SOX5: variants seen among roughly 807,000 people sequenced by gnomAD.
SOX5 encodes the protein SRY-box transcription factor 5, also known as transcription factor SOX-5.
A neutral mutation model predicts 92.0 loss-of-function variants in SOX5; 9 were observed. The observed-to-expected ratio is 0.10, with a 90% CI of 0.06 to 0.17. The LOEUF (loss-of-function observed/expected upper bound fraction) is 0.17. Among genes scored for constraint, SOX5 ranks in the 10% least tolerant of loss-of-function variants. The pLI, the probability that SOX5 is intolerant of heterozygous loss-of-function variation, is 1.00. For synonymous variants in SOX5, 344 were observed against 336.3 expected, an observed-to-expected ratio of 1.02 and a Z score of -0.25; for missense variants, 642 against 944.5, an observed-to-expected ratio of 0.68 and a Z score of 4.20.
At chr12:24,531,351 T>C (rs889058101) in intron 1 of SOX5, among the ~76,000 whole-genome samples, 1 of 152,138 alleles carries the variant, frequency 6.6e-6, no homozygotes, top group African/African-American at 2.4e-5. Context: ...AATTAATGGT[T>C]TTGAAAGACC....
intron 6 of SOX5, among the ~76,000 whole-genome samples, chr12:23,669,646 G>GGA (rs1555246526): frequency 3.1e-4 from 13 of 41,642 alleles, no homozygotes; most frequent in South Asian, 5.9e-4. Flanking sequence ...TGGATGAGGA[G>GGA]AAAAAAAAAA....
intron 3 of SOX5, among the ~76,000 whole-genome samples, chr12:24,251,142 A>C (rs1939956579): frequency 6.6e-6 from 1 of 152,224 alleles, no homozygotes; most frequent in Non-Finnish European, 1.5e-5. Flanking sequence ...TACTTCTACT[A>C]AGATTTATAT....
intron 4 of SOX5, among the ~76,000 whole-genome samples, chr12:23,963,739 A>T (rs1273004519): frequency 1.4e-5 from 2 of 144,572 alleles, no homozygotes; most frequent in Non-Finnish European, 3.0e-5. Flanking sequence ...TCTAGTATAC[A>T]TGCAGGCAGG....
At chr12:23,902,852 C>A (rs892294985) in intron 1 of SOX5, among the ~76,000 whole-genome samples, 2 of 152,078 alleles carry the variant, frequency 1.3e-5, no homozygotes, top group East Asian at 1.9e-4. Flanking sequence ...AAATGAGACA[C>A]AATTAATAAT....
At position 24,245,235 on chromosome 12, in the gene SOX5, T is replaced by TTGCG. The variant is rs1302286255; in HGVS notation, c.-76-31819_-76-31818insCGCA. ...GAGCATCATTTGTGTTTGGAGAGAT[T>TTGCG]TGTGTGTGTGTGTGTGTGTGTGTGT... is the stretch of plus-strand genomic sequence containing the variant. On this transcript the variant is annotated intron_variant, in intron 3 of 4. Transcript: ENST00000446891. Among the ~76,000 whole-genome samples the TTGCG allele has an allele frequency of 6.3e-3, 909 of 144,364 alleles. 2 individuals are homozygous for TTGCG. The highest frequency in any genetic ancestry group is 0.01 in the Non-Finnish European group (689 of 66,252). 94.7% of individuals were successfully genotyped at this position (144,364 alleles called of 152,430 possible).
chr12:23,961,108 C>T (rs186141128), intron 4 of SOX5, among the ~76,000 whole-genome samples: 2 of 151,972 alleles, frequency 1.3e-5, no homozygotes, highest in Non-Finnish European at 2.9e-5. Flanking sequence ...TTTTCAGATG[C>T]CTGAAAGTTA....
At chr12:24,135,498 G>A (rs751237196) in intron 4 of SOX5, among the ~76,000 whole-genome samples, 1 of 152,166 alleles carries the variant, frequency 6.6e-6, no homozygotes, top group Non-Finnish European at 1.5e-5. Flanking sequence ...TAATTACTGA[G>A]TATCTGCTTT....
chr12:23,825,047 T>C (rs2096202746), intron 3 of SOX5, among the ~76,000 whole-genome samples: 2 of 152,126 alleles, frequency 1.3e-5, no homozygotes, highest in Non-Finnish European at 2.9e-5. Context: ...TGGGATCTGC[T>C]GGGCTGGACC....
At chr12:24,287,895 A>G (rs1946100271) in intron 2 of SOX5, among the ~76,000 whole-genome samples, 1 of 152,140 alleles carries the variant, frequency 6.6e-6, no homozygotes, top group Admixed American at 6.5e-5. Context: ...ACCCAAGTCC[A>G]GTCCTCTGTA....
intron 1 of SOX5, among the ~76,000 whole-genome samples, chr12:24,433,880 G>T (rs138557622): frequency 1.9e-3 from 286 of 152,286 alleles, no homozygotes; most frequent in African/African-American, 5.7e-3. Flanking sequence ...CCATGAGAAT[G>T]AATGGGATTG....
chr12:24,037,628 T>C (rs548251573), intron 4 of SOX5, among the ~76,000 whole-genome samples: 11 of 152,206 alleles, frequency 7.2e-5, no homozygotes, highest in Non-Finnish European at 1.0e-4. Flanking sequence ...TCAAGTAATA[T>C]TTAGCTTAAA....
chr12:23,850,158 T>C (rs1172841453), intron 2 of SOX5, among the ~76,000 whole-genome samples: 2 of 152,084 alleles, frequency 1.3e-5, no homozygotes, highest in African/African-American at 4.8e-5. Context: ...TGGCTGGGCA[T>C]TGTGGCTCAC....
In SOX5 at chr12:23,907,320, A is replaced by G. The variant is rs556243305; in HGVS notation, c.39-11296T>C. ...TCTAATGATATGTTAATGAACATCA[A>G]TATTCTTTCTTTTTTTTATGGAACC... On this transcript the variant is annotated intron_variant, in intron 1 of 14. Transcript: ENST00000451604. Among the ~76,000 whole-genome samples the G allele has an allele frequency of 4.3e-4, 65 of 152,324 alleles. No homozygotes were observed. The South Asian group carries it at 5.6e-3, about 13-fold the overall frequency.
intron 1 of SOX5, among the ~76,000 whole-genome samples, chr12:24,541,151 A>G (rs1159060887): frequency 6.6e-6 from 1 of 152,200 alleles, no homozygotes; most frequent in African/African-American, 2.4e-5. Flanking sequence ...AAATTTAAAC[A>G]AGGTGCGAGC....
chr12:24,300,027 C>A (rs1254645210), intron 2 of SOX5, among the ~76,000 whole-genome samples: 1 of 152,066 alleles, frequency 6.6e-6, no homozygotes, highest in Non-Finnish European at 1.5e-5. Flanking sequence ...TTAGGAACTT[C>A]AACAAGAAAA....
intron 4 of SOX5, among the ~76,000 whole-genome samples, chr12:24,186,348 G>A (rs1374144834): frequency 6.6e-6 from 1 of 152,082 alleles, no homozygotes; most frequent in Non-Finnish European, 1.5e-5. Context: ...TGAAGAAAAT[G>A]GAAAGTCATC....
chr12:23,563,843 G>T (rs375131368), intron 10 of SOX5, among the ~76,000 whole-genome samples: 1 of 152,126 alleles, frequency 6.6e-6, no homozygotes, highest in African/African-American at 2.4e-5. Context: ...CCTAGTATTA[G>T]AAAGGCCACA....
intron 1 of SOX5, among the ~76,000 whole-genome samples, chr12:24,429,825 A>G (rs1430653043): frequency 6.6e-6 from 1 of 152,216 alleles, no homozygotes; most frequent in African/African-American, 2.4e-5. Context: ...AAATTAAAGG[A>G]TTATAAGATA....
At chr12:24,216,208 G>A (rs1959162860) in intron 3 of SOX5, among the ~76,000 whole-genome samples, 1 of 152,220 alleles carries the variant, frequency 6.6e-6, no homozygotes. Flanking sequence ...TCCCGGCCGG[G>A]CGCGGTGGCT....
Sources: allele counts gnomAD v4.1 joint callset (sites outside exome capture counted in the v4.1 genomes callset), GRCh38; gene constraint gnomAD v4.1.1; transcripts MANE v1.5; gene names NCBI Gene and HGNC (gene_info 2026-07-23, HGNC 2026-07-21).